The following AGBL4 variants were observed in gnomAD, a reference collection of about 807,000 sequenced individuals.
AGBL4 encodes AGBL carboxypeptidase 4.
Under a neutral mutation model 66.4 loss-of-function variants are expected in AGBL4, and 58 were observed. The observed-to-expected ratio is 0.87, with a 90% CI of 0.71 to 1.09. The LOEUF (loss-of-function observed/expected upper bound fraction) is 1.09. AGBL4 is among the 50% of genes least tolerant of loss of function. The pLI, the probability that AGBL4 is intolerant of heterozygous loss-of-function variation, is 0.00. For synonymous variants in AGBL4, 234 were observed against 222.9 expected, an observed-to-expected ratio of 1.05 and a Z score of -0.44; for missense variants, 579 against 631.0, an observed-to-expected ratio of 0.92 and a Z score of 0.88.
chr1:49,755,161 G>A (rs1454408461), intron 2 of AGBL4, among the ~76,000 whole-genome samples: 1 of 152,140 alleles, frequency 6.6e-6, no homozygotes, highest in African/African-American at 2.4e-5. Context: ...CAACCCTTAA[G>A]ATCAGTGTTA....
intron 4 of AGBL4, among the ~76,000 whole-genome samples, chr1:49,076,974 G>A (rs1230363732): frequency 6.6e-6 from 1 of 152,158 alleles, no homozygotes; most frequent in Non-Finnish European, 1.5e-5. Flanking sequence ...TTTAAGGAAT[G>A]TACCCACGTT....
chr1:49,128,095 A>G (rs1645803092), intron 4 of AGBL4, among the ~76,000 whole-genome samples: 2 of 152,102 alleles, frequency 1.3e-5, no homozygotes, highest in African/African-American at 2.4e-5. Context: ...AGGAAAACCA[A>G]TTATAATAAG....
chr1:48,554,502 G>A (rs767277922), intron 11 of AGBL4, among the ~76,000 whole-genome samples: 2 of 152,070 alleles, frequency 1.3e-5, no homozygotes, highest in Non-Finnish European at 2.9e-5. Context: ...AGACATCCTT[G>A]TTATATTTCA....
chr1:49,719,331 G>A (rs1648410962), intron 2 of AGBL4, among the ~76,000 whole-genome samples: 1 of 152,092 alleles, frequency 6.6e-6, no homozygotes, highest in South Asian at 2.1e-4. Flanking sequence ...GATCCTCTTA[G>A]AAAACAAAGT....
At chr1:49,686,113 G>A (rs183621824) in intron 3 of AGBL4, among the ~76,000 whole-genome samples, 7 of 152,258 alleles carry the variant, frequency 4.6e-5, no homozygotes, top group Admixed American at 4.6e-4. Flanking sequence ...GTCTTCTGCA[G>A]ATGGCTAGAC....
intron 4 of AGBL4, among the ~76,000 whole-genome samples, chr1:49,175,243 G>C (rs566916820): frequency 6.6e-6 from 1 of 151,744 alleles, no homozygotes; most frequent in East Asian, 1.9e-4. Context: ...GGAGGGAAAT[G>C]GGCATATAAG....
intron 3 of AGBL4, among the ~76,000 whole-genome samples, chr1:49,570,393 A>G (rs1049032656): frequency 1.4e-4 from 21 of 152,100 alleles, no homozygotes; most frequent in African/African-American, 5.1e-4. Flanking sequence ...AAATGTCTGC[A>G]TAAACATTAA....
intron 2 of AGBL4, among the ~76,000 whole-genome samples, chr1:49,827,429 T>C (rs1645540217): frequency 6.6e-6 from 1 of 152,214 alleles, no homozygotes; most frequent in Non-Finnish European, 1.5e-5. Context: ...AGGGCTCTTC[T>C]GTTTTGAAGT....
chr1:48,649,783 A>C (rs1422874746), intron 8 of AGBL4, among the ~76,000 whole-genome samples: 2 of 152,178 alleles, frequency 1.3e-5, no homozygotes, highest in South Asian at 2.1e-4. Context: ...TGGAGGAGTG[A>C]GGAGGAGGAA....
At chr1:49,676,840 C>T (rs1646588133) in intron 3 of AGBL4, among the ~76,000 whole-genome samples, 1 of 151,942 alleles carries the variant, frequency 6.6e-6, no homozygotes. Flanking sequence ...CCTGGCTAAC[C>T]ATAGATAGTG....
chr1:49,770,683 A>G (rs1244230394), intron 2 of AGBL4, among the ~76,000 whole-genome samples: 1 of 152,138 alleles, frequency 6.6e-6, no homozygotes, highest in Non-Finnish European at 1.5e-5. Context: ...TTACTGATTC[A>G]ATTTACTCAC....
intron 6 of AGBL4, among the ~76,000 whole-genome samples, chr1:48,682,108 A>G (rs557642304): frequency 1.3e-4 from 20 of 152,336 alleles, no homozygotes; most frequent in African/African-American, 4.8e-4. Context: ...TGGCCATGTG[A>G]GGACAGGGGA....
chr1:48,653,442 T>C lies in AGBL4; in HGVS notation c.734A>G (p.Asp245Gly), dbSNP rs373660005. The C allele has an allele frequency of 1.0e-5, 16 of 1,575,758 alleles. 1 individual carries two copies. The highest frequency in any genetic ancestry group is 1.4e-5 in the Non-Finnish European group (16 of 1,159,506). ...AATAGGGTGCTGGCTTACAAGGAAG[T>C]CAATGATCCCTAGGGAAAGAGAAGA... ...PSSFVCQGIIDFLVSQHPIAC... is the reference protein window; with the variant it reads ...PSSFVCQGIIGFLVSQHPIAC... Residue 245 changes from aspartate to glycine, a missense_variant, in exon 8 of 14, where the codon GAC becomes GGC. By Grantham distance (94) the Asp-to-Gly change is moderately conservative (BLOSUM62 -1). Transcript: ENST00000371839.
chr1:49,517,992 T>C (rs1649965166), intron 3 of AGBL4, among the ~76,000 whole-genome samples: 1 of 152,100 alleles, frequency 6.6e-6, no homozygotes, highest in Admixed American at 6.6e-5. Context: ...TATTTGTTCA[T>C]TCATTCATTC....
At chr1:48,600,971 C>A (rs1645065650) in intron 9 of AGBL4, among the ~76,000 whole-genome samples, 1 of 152,146 alleles carries the variant, frequency 6.6e-6, no homozygotes, top group Non-Finnish European at 1.5e-5. Context: ...CCTTTCTCCA[C>A]GTCTATGCCT....
chr1:48,736,165 G>C lies in AGBL4; in HGVS notation c.635-72924C>G. On this transcript the variant is annotated intron_variant, in intron 6 of 13. Transcript: ENST00000371839. This position sits in a 1 kb window ranked among gnomAD's most constrained non-coding sequence, Gnocchi z 4.0. Reference sequence around the variant, plus strand: ...AAGCTTCATAAGTAATCGTTGAATTGAATTGTGCCTAACACATTCTTGACA... The same window carrying C: ...AAGCTTCATAAGTAATCGTTGAATTCAATTGTGCCTAACACATTCTTGACA... 2 of 1,494,018 alleles carry C rather than the reference G, an allele frequency of 1.3e-6. No homozygotes were observed. The highest frequency in any genetic ancestry group is 1.1e-5 in the South Asian group (1 of 87,248). The allele number at this position is 1,494,018 out of a possible 1,614,324, so 92.5% of individuals were successfully genotyped here.
chr1:49,926,820 C>T (rs188235663), intron 1 of AGBL4, among the ~76,000 whole-genome samples: 51 of 152,126 alleles, frequency 3.4e-4, no homozygotes, highest in Admixed American at 2.9e-3. Context: ...TTAGTAAGCT[C>T]AAAGACAGGC....
intron 5 of AGBL4, among the ~76,000 whole-genome samples, chr1:48,967,307 G>T (rs1658525527): frequency 6.6e-6 from 1 of 151,964 alleles, no homozygotes; most frequent in Admixed American, 6.6e-5. Flanking sequence ...TCATAATTCT[G>T]CTGCCCCCAT....
chr1:49,943,473 G>A (rs1270612836), intron 1 of AGBL4, among the ~76,000 whole-genome samples: 4 of 152,136 alleles, frequency 2.6e-5, no homozygotes, highest in African/African-American at 9.7e-5. Flanking sequence ...AACTGTAAAC[G>A]TGTAAAAGGG....
Sources: gnomAD v4.1 joint callset for allele counts (sites outside exome capture counted in the v4.1 genomes callset) on GRCh38, gnomAD v4.1.1 for gene constraint, Gnocchi (gnomAD v3.1) non-coding constraint, MANE v1.5 for transcripts, NCBI Gene and HGNC (gene_info 2026-07-23, HGNC 2026-07-21) for gene names.